Variants in WDTC1 observed in about 807,000 individuals in gnomAD.
The protein encoded by WDTC1 is WD and tetratricopeptide repeats 1, also known as WD and tetratricopeptide repeats protein 1.
Under a neutral mutation model 76.0 loss-of-function variants are expected in WDTC1, and 12 were observed. The observed-to-expected ratio is 0.16, with a 90% CI of 0.10 to 0.26. The LOEUF is 0.26. Ranked by LOEUF, WDTC1 falls within the 10% of genes least tolerant of loss-of-function variation. The pLI is 1.00. For synonymous variants in WDTC1, 326 were observed against 350.8 expected (o/e 0.93, Z 0.79); for missense variants, 511 against 908.8 (o/e 0.56, Z 5.63).
chr1:27,253,399 C>CTCCCCCTCCCCCTCCCCT (rs1358678281), intron 1 of WDTC1, among the ~76,000 whole-genome samples: 1 of 92,162 alleles, frequency 1.1e-5, no homozygotes, highest in Non-Finnish European at 2.1e-5. Context: ...TCCCCTCCCC[C>CTCCCCCTCCCCCTCCCCT]TCCCCCTCCC....
chr1:27,288,130 A>AT (rs1458380686), intron 6 of WDTC1, among the ~76,000 whole-genome samples: 1 of 152,054 alleles, frequency 6.6e-6, no homozygotes, highest in Non-Finnish European at 1.5e-5. Context: ...GCCTCTGGGC[A>AT]TTCACGTTAC....
chr1:27,269,666 G>A (rs533444367), intron 3 of WDTC1, among the ~76,000 whole-genome samples: 87 of 140,040 alleles, frequency 6.2e-4, no homozygotes, highest in Non-Finnish European at 1.1e-3. Flanking sequence ...CCAGGCTGGA[G>A]TGCAGTGGCA....
At chr1:27,259,746 C>T (rs1172990647) in intron 1 of WDTC1, among the ~76,000 whole-genome samples, 2 of 151,820 alleles carry the variant, frequency 1.3e-5, no homozygotes, top group Non-Finnish European at 2.9e-5. Flanking sequence ...CTAGGCCAGG[C>T]GCAGTGGCTC....
At position 27,245,334 on chromosome 1, in the gene WDTC1, T is replaced by C. The variant is rs529147432; in HGVS notation, c.-100+10383T>C. 4.0e-4 allele frequency among the ~76,000 whole-genome samples: 61 copies of C among 151,840 alleles called. 1 individual carries two copies. The South Asian group carries it at 0.012, about 30-fold the overall frequency. Reference sequence around the variant, plus strand: ...CATGCCATTATTCATTCAGCAAATATTTATTGGTGCCTGCTAAGCTTACAT... The same window carrying C: ...CATGCCATTATTCATTCAGCAAATACTTATTGGTGCCTGCTAAGCTTACAT... On this transcript the variant is annotated intron_variant, in intron 1 of 15. Coordinates refer to ENST00000319394, the MANE Select transcript of WDTC1 (RefSeq NM_001276252.2).
At position 27,306,269 on chromosome 1, in the gene WDTC1, G is replaced by A. The variant is rs2013952493; in HGVS notation, c.1920G>A (p.Leu640=). 6.2e-7 allele frequency: 1 copy of A among 1,614,144 alleles called. No homozygotes were observed. The highest frequency in any genetic ancestry group is 8.5e-7 in the Non-Finnish European group (1 of 1,180,030). Residue 640 remains leucine (L), a synonymous_variant, in exon 16 of 16, where the codon TTG becomes TTA. Coordinates refer to ENST00000319394, the MANE Select transcript of WDTC1 (RefSeq NM_001276252.2). The surrounding 1 kb of genome is among the most constrained non-coding windows in gnomAD (Gnocchi z 5.0). ...AGCGGCGCATGAATGCAGACCCGTT[G>A]GAGGTGATGCTGCTCAACATGGGCT... ...ANQRRMNADP[L]EVMLLNMGYR... is the part of the protein sequence containing the mutation.
intron 3 of WDTC1, among the ~76,000 whole-genome samples, chr1:27,277,465 ACT>A (rs1341793056): frequency 5.4e-5 from 8 of 149,120 alleles, no homozygotes; most frequent in South Asian, 2.1e-4. Flanking sequence ...ATTGCTTGAC[ACT>A]CTTTTTTTTT....
In WDTC1 at chr1:27,304,904, A is replaced by G. The variant is rs1570991616; in HGVS notation, c.1644-97A>G. 6 of 1,283,942 alleles carry G rather than the reference A, an allele frequency of 4.7e-6. No homozygotes were observed. In the East Asian group the frequency reaches 1.3e-4, roughly 27 times the overall value. 79.5% of individuals were successfully genotyped at this position (1,283,942 alleles called of 1,614,324 possible). ...CGTGTGGGGGACTGAGTGGCTGCAGACTTCCTTGCTCCCCCTTTACCTAGG... is the reference window on the plus strand; with the variant it reads ...CGTGTGGGGGACTGAGTGGCTGCAGGCTTCCTTGCTCCCCCTTTACCTAGG... On this transcript the variant is annotated intron_variant, in intron 14 of 15. Transcript: ENST00000319394.
In WDTC1 at chr1:27,234,651, A is replaced by G. The variant is rs1297523871; in HGVS notation, c.-400A>G. The G allele has an allele frequency of 1.5e-5, 6 of 394,258 alleles. No homozygotes were observed. The highest frequency in any genetic ancestry group is 8.9e-5 in the Admixed American group (2 of 22,572). 24.4% of individuals were successfully genotyped at this position (394,258 alleles called of 1,614,324 possible). Reference sequence around the variant, plus strand: ...GTTGCTGGGCTTCTCCTGGGTCCCCAGACAGCTGGAGGAGATAAACAGAGG... The same window carrying G: ...GTTGCTGGGCTTCTCCTGGGTCCCCGGACAGCTGGAGGAGATAAACAGAGG... On this transcript the variant is annotated 5_prime_UTR_variant, in exon 1 of 16. Transcript: ENST00000319394.
chr1:27,271,127 T>C (rs2012856785), intron 3 of WDTC1, among the ~76,000 whole-genome samples: 2 of 152,166 alleles, frequency 1.3e-5, no homozygotes, highest in South Asian at 4.1e-4. Context: ...ATGAAATTGG[T>C]CACTCCAGCG....
At chr1:27,235,544 AC>A (rs2011477891) in intron 1 of WDTC1, among the ~76,000 whole-genome samples, 1 of 151,500 alleles carries the variant, frequency 6.6e-6, no homozygotes. Context: ...CTGCTTGGGA[AC>A]GGGCTATTCA....
chr1:27,251,033 ATTTTT>A (rs71584875), intron 1 of WDTC1, among the ~76,000 whole-genome samples: 28 of 28,674 alleles, frequency 9.8e-4, no homozygotes, highest in African/African-American at 1.9e-3. Flanking sequence ...CTCCTGGCTA[ATTTTT>A]TTTTTTTTTT....
In WDTC1 at chr1:27,301,455, G is replaced by T. The variant is rs765206741; in HGVS notation, c.1462G>T (p.Asp488Tyr). 6.2e-7 allele frequency: 1 copy of T among 1,612,480 alleles called. No homozygotes were observed. The highest frequency in any genetic ancestry group is 8.5e-7 in the Non-Finnish European group (1 of 1,179,988). Residue 488 changes from aspartate to tyrosine, a missense_variant, in exon 13 of 16, where the codon GAT (aspartate) becomes TAT (tyrosine). Coordinates refer to ENST00000319394, the MANE Select transcript of WDTC1 (RefSeq NM_001276252.2). This position sits in a 1 kb window ranked among gnomAD's most constrained non-coding sequence, Gnocchi z 5.8. Reference protein sequence around the residue: ...DITAALFSKNDGEEKKGPGGG... With the variant: ...DITAALFSKNYGEEKKGPGGG... Reference sequence around the variant, plus strand: ...CACAGCTGCCCTCTTCTCTAAAAATGATGGTGGTGAGTGGGCACTGAGGAG... The same window carrying T: ...CACAGCTGCCCTCTTCTCTAAAAATTATGGTGGTGAGTGGGCACTGAGGAG...
At chr1:27,245,809 C>G (rs191232918) in intron 1 of WDTC1, among the ~76,000 whole-genome samples, 1 of 151,534 alleles carries the variant, frequency 6.6e-6, no homozygotes, top group East Asian at 1.9e-4. Flanking sequence ...ACCTCCTGGT[C>G]CACCCGCCTT....
chr1:27,298,604 A>G (rs925994618), intron 12 of WDTC1, among the ~76,000 whole-genome samples: 2 of 152,204 alleles, frequency 1.3e-5, no homozygotes, highest in African/African-American at 4.8e-5. Context: ...CATATCCCAG[A>G]GATCCAAAGC....
intron 1 of WDTC1, among the ~76,000 whole-genome samples, chr1:27,235,391 T>C (rs1032333011): frequency 9.5e-5 from 12 of 125,970 alleles, no homozygotes; most frequent in African/African-American, 3.8e-4. Flanking sequence ...TCTCTCTCTC[T>C]TTCTGTGTGT....
At chr1:27,260,872 G>T in intron 1 of WDTC1, 84 bp from the exon 2 acceptor site, 1 of 659,702 alleles carries the variant, frequency 1.5e-6, no homozygotes, top group Non-Finnish European at 2.6e-6. Context: ...CACTTCACTG[G>T]GTGGGCTGTT....
At chr1:27,294,179 T>G in intron 8 of WDTC1, 63 bp downstream of exon 8, 6 of 1,543,210 alleles carry the variant, frequency 3.9e-6, no homozygotes, top group Non-Finnish European at 5.3e-6. Flanking sequence ...TTGGGGGCAG[T>G]CCAGGGAGAC....
In WDTC1 at chr1:27,301,217, C is replaced by G. The variant is rs781514946; in HGVS notation, c.1233-9C>G. ...TCCACCTCCAAGCCGCTCTTCCCTG[C>G]CTTCCCAGGGATGGTGACCACTATG... On this transcript the variant is annotated splice_polypyrimidine_tract_variant and intron_variant, in intron 12 of 15. Transcript: ENST00000319394. This position sits in a 1 kb window ranked among gnomAD's most constrained non-coding sequence, Gnocchi z 5.8. 4.3e-6 allele frequency: 7 copies of G among 1,611,796 alleles called. No individual in the cohort carries two copies. The highest frequency in any genetic ancestry group is 5.9e-6 in the Non-Finnish European group (7 of 1,178,330).
intron 2 of WDTC1, among the ~76,000 whole-genome samples, chr1:27,262,153 C>T (rs2012497468): frequency 6.6e-6 from 1 of 151,924 alleles, no homozygotes; most frequent in Non-Finnish European, 1.5e-5. Context: ...AGATCTTGAT[C>T]TCCTGACCTC....
Sources: gnomAD v4.1 joint callset for allele counts (sites outside exome capture counted in the v4.1 genomes callset) on GRCh38, gnomAD v4.1.1 for gene constraint, Gnocchi (gnomAD v3.1) non-coding constraint, MANE v1.5 for transcripts, NCBI Gene and HGNC (gene_info 2026-07-23, HGNC 2026-07-21) for gene names.